IQCM: variants seen among roughly 807,000 people sequenced by gnomAD.
IQCM encodes IQ domain-containing protein M.
Under a neutral mutation model 57.6 loss-of-function variants are expected in IQCM, and 45 were observed. The ratio of observed to expected loss-of-function variants is 0.78; its 90% confidence interval spans 0.62 to 1.00. The LOEUF is 1.00. Among genes scored for constraint, IQCM ranks in the 50% least tolerant of loss-of-function variants. IQCM has a pLI of 0.00. For missense variants in IQCM, 468 were observed against 511.6 expected (o/e 0.91, Z 0.82); for synonymous variants, 148 against 158.9 (o/e 0.93, Z 0.51).
chr4:149,510,896 T>C (rs987563592), intron 12 of IQCM, among the ~76,000 whole-genome samples: 2 of 152,228 alleles, frequency 1.3e-5, no homozygotes, highest in Non-Finnish European at 2.9e-5. Context: ...GCCAGGTTTC[T>C]CCATTGTTAA....
chr4:149,709,437 T>C (rs1318624148), intron 5 of IQCM, among the ~76,000 whole-genome samples: 1 of 152,128 alleles, frequency 6.6e-6, no homozygotes, highest in African/African-American at 2.4e-5. Flanking sequence ...TGAGCATATA[T>C]ACTCTTTTGA....
chr4:149,697,421 T>TA (rs561140913), intron 5 of IQCM, among the ~76,000 whole-genome samples: 185 of 151,168 alleles, frequency 1.2e-3, no homozygotes, highest in East Asian at 8.0e-3. Flanking sequence ...ATTTCAGAGT[T>TA]AAAAAAAAAG....
intron 3 of IQCM, among the ~76,000 whole-genome samples, chr4:149,739,189 A>C (rs1453001000): frequency 6.6e-6 from 1 of 152,090 alleles, no homozygotes; most frequent in Non-Finnish European, 1.5e-5. Context: ...ATATAGAATG[A>C]TTTTTAAGAG....
chr4:149,553,996 T>G (rs1021659173), intron 10 of IQCM, among the ~76,000 whole-genome samples: 6 of 152,190 alleles, frequency 3.9e-5, no homozygotes, highest in African/African-American at 1.4e-4. Context: ...CATTTTACAT[T>G]TTCTGGCTTA....
chr4:149,787,405 C>T (rs1414403203), intron 2 of IQCM, among the ~76,000 whole-genome samples: 6 of 152,054 alleles, frequency 3.9e-5, no homozygotes, highest in Non-Finnish European at 8.8e-5. Flanking sequence ...AATATCCAAG[C>T]TGGAGGCATC....
chr4:149,722,464 A>C (rs1561199358), intron 5 of IQCM, among the ~76,000 whole-genome samples: 1 of 152,004 alleles, frequency 6.6e-6, no homozygotes, highest in South Asian at 2.1e-4. Flanking sequence ...TAATTTTTGC[A>C]TATGGCAAGT....
intron 9 of IQCM, among the ~76,000 whole-genome samples, chr4:149,581,268 T>C (rs1346914161): frequency 4.0e-5 from 6 of 151,154 alleles, no homozygotes; most frequent in Admixed American, 6.6e-5. Context: ...AATTCATATA[T>C]ATATATATAC....
intron 9 of IQCM, among the ~76,000 whole-genome samples, chr4:149,574,624 C>G (rs191555611): frequency 6.6e-6 from 1 of 152,018 alleles, no homozygotes; most frequent in Non-Finnish European, 1.5e-5. Context: ...TTAATCATGT[C>G]CGAACATTAC....
chr4:149,440,085 T>A (rs922545773), intron 12 of IQCM, among the ~76,000 whole-genome samples: 4 of 149,330 alleles, frequency 2.7e-5, no homozygotes, highest in Non-Finnish European at 5.9e-5. Flanking sequence ...GCCTCCCGAG[T>A]AGCTAGGATT....
At chr4:149,528,071 C>T (rs1429553062) in intron 12 of IQCM, among the ~76,000 whole-genome samples, 1 of 151,830 alleles carries the variant, frequency 6.6e-6, no homozygotes, top group African/African-American at 2.4e-5. Context: ...CTGCAACCTC[C>T]ACCTCCTGCG....
chr4:149,534,526 C>A (rs1472693767), intron 12 of IQCM, among the ~76,000 whole-genome samples: 1 of 151,992 alleles, frequency 6.6e-6, no homozygotes, highest in Non-Finnish European at 1.5e-5. Context: ...ACAACATCAG[C>A]CAAAAGGATG....
Position 149,738,601 on chromosome 4 carries a change from T to A in IQCM, c.38-3143A>T, listed in dbSNP as rs17026402. On this transcript the variant is annotated intron_variant, in intron 3 of 13. Coordinates refer to ENST00000636793, the MANE Select transcript of IQCM (RefSeq NM_001363507.2). ...ATCAAGGTATTGTCACAGCATACCCTTACAGTCAGGCCATGAGATTACTGA... is the reference window on the plus strand; with the variant it reads ...ATCAAGGTATTGTCACAGCATACCCATACAGTCAGGCCATGAGATTACTGA... Among the ~76,000 whole-genome samples, 1,369 of 152,218 alleles carry A rather than the reference T, an allele frequency of 9.0e-3. 10 individuals carry two copies. The highest frequency in any genetic ancestry group is 0.031 in the African/African-American group (1,268 of 41,532).
chr4:149,548,477 A>G lies in IQCM; in HGVS notation c.1206T>C (p.Asp402=). Residue 402 remains aspartate, a synonymous_variant, in exon 12 of 14, where the codon GAT becomes GAC. Transcript: ENST00000636793. ...CACCTTGATGGACCAGGTCCCAAGT[A>G]TCATCAACTTGTTTCTGAGTTGGGA... is the stretch of plus-strand genomic sequence containing the variant. ...GHFPTQKQVD[D]TWDLVHQDGK... The G allele has an allele frequency of 1.6e-6, 2 of 1,231,986 alleles. No homozygotes were observed. Among genetic ancestry groups the G allele is most frequent in the Non-Finnish European group, 2.0e-6 (2 of 987,862 alleles). 76.3% of individuals were successfully genotyped at this position (1,231,986 alleles called of 1,614,324 possible).
At chr4:149,575,040 A>G (rs1751503747) in intron 9 of IQCM, among the ~76,000 whole-genome samples, 2 of 151,902 alleles carry the variant, frequency 1.3e-5, no homozygotes. Flanking sequence ...GCTTTGTCCA[A>G]ATGCTTTGCA....
At chr4:149,468,551 A>G (rs972095318) in intron 12 of IQCM, among the ~76,000 whole-genome samples, 36 of 151,282 alleles carry the variant, frequency 2.4e-4, no homozygotes, top group Middle Eastern at 6.8e-3. Flanking sequence ...CTCTGGGGGC[A>G]GGGCATAGCT....
intron 2 of IQCM, among the ~76,000 whole-genome samples, chr4:149,754,636 C>A (rs146928336): frequency 1.3e-3 from 194 of 152,270 alleles, no homozygotes; most frequent in Admixed American, 3.8e-3. Flanking sequence ...CCAGGGATTT[C>A]CAGTGTCCTA....
intron 9 of IQCM, among the ~76,000 whole-genome samples, chr4:149,586,665 A>T (rs2149997629): frequency 1.3e-5 from 2 of 151,722 alleles, no homozygotes; most frequent in East Asian, 3.9e-4. Flanking sequence ...TATATTCTAC[A>T]TTATTGGATG....
intron 13 of IQCM, among the ~76,000 whole-genome samples, chr4:149,378,307 GC>G (rs1379064606): frequency 6.6e-6 from 1 of 152,154 alleles, no homozygotes. Context: ...TGGGTAACAG[GC>G]AGGCAGAGGT....
At chr4:149,774,281 A>T (rs7659805) in intron 2 of IQCM, among the ~76,000 whole-genome samples, 75,131 of 151,942 alleles carry the variant, frequency 0.49, 22,136 homozygotes, top group African/African-American at 0.8. Context: ...TTAAGTATAT[A>T]CACGCTGGTC....
Sources: gnomAD v4.1 joint callset for allele counts (sites outside exome capture counted in the v4.1 genomes callset) on GRCh38, gnomAD v4.1.1 for gene constraint, MANE v1.5 for transcripts, NCBI Gene and HGNC (gene_info 2026-07-23, HGNC 2026-07-21) for gene names.